LRCH1: variants seen among roughly 807,000 people sequenced by gnomAD.
The protein encoded by LRCH1 is leucine-rich repeat and calponin homology domain-containing protein 1.
LRCH1 carries 23 observed loss-of-function variants against 94.9 expected under a neutral mutation model. The observed-to-expected ratio is 0.24, with a 90% confidence interval of 0.17 to 0.34. The LOEUF (loss-of-function observed/expected upper bound fraction) is 0.34, where lower values mean the gene tolerates loss of function less well. Among genes scored for constraint, LRCH1 ranks in the 10% least tolerant of loss-of-function variants. The probability of loss-of-function intolerance (pLI) is 1.00; values close to 1 mark genes in which losing one functional copy is unlikely to be tolerated. For missense variants in LRCH1, 790 were observed against 945.9 expected (o/e 0.84, Z 2.16); for synonymous variants, 364 against 354.9 (o/e 1.03, Z -0.29).
intron 2 of LRCH1, among the ~76,000 whole-genome samples, chr13:46,654,011 T>C (rs2051340192): frequency 6.6e-6 from 1 of 152,240 alleles, no homozygotes; most frequent in African/African-American, 2.4e-5. Context: ...TCAGATTTGA[T>C]GTTGAATGCA....
intron 1 of LRCH1, among the ~76,000 whole-genome samples, chr13:46,567,837 A>G (rs903786221): frequency 2.0e-5 from 3 of 152,194 alleles, no homozygotes; most frequent in Admixed American, 2.0e-4. Flanking sequence ...GTATCTCAAT[A>G]TGAAATTTGC....
exon 19 of LRCH1, chr13:46,751,636 T>C (rs1229666825): frequency 6.6e-6 from 1 of 152,234 alleles, no homozygotes; most frequent in Non-Finnish European, 1.5e-5. Context: ...AAATAATAAG[T>C]GTTAGCATCG....
chr13:46,687,359 C>T (rs186591755), intron 5 of LRCH1, among the ~76,000 whole-genome samples: 19 of 152,264 alleles, frequency 1.2e-4, no homozygotes, highest in Non-Finnish European at 2.1e-4. Flanking sequence ...AAATGTTAAA[C>T]TGCATGAGAG....
intron 1 of LRCH1, among the ~76,000 whole-genome samples, chr13:46,604,176 C>T (rs1186583995): frequency 6.6e-6 from 1 of 152,060 alleles, no homozygotes; most frequent in African/African-American, 2.4e-5. Context: ...ATGTCCCATG[C>T]AATATTTGAG....
intron 11 of LRCH1, among the ~76,000 whole-genome samples, chr13:46,704,158 A>G (rs1311759241): frequency 6.6e-6 from 1 of 152,110 alleles, no homozygotes; most frequent in African/African-American, 2.4e-5. Flanking sequence ...AGCCAGTTTA[A>G]TAGTCATGAA....
chr13:46,725,734 C>T (rs1872782521), intron 17 of LRCH1, among the ~76,000 whole-genome samples: 1 of 152,198 alleles, frequency 6.6e-6, no homozygotes, highest in African/African-American at 2.4e-5. Flanking sequence ...AAACCTCTTA[C>T]CACCACTTTA....
rs560423225 is a variant in LRCH1 at position 46,566,352 on chromosome 13, A to C, written c.307+12649A>C. 5.9e-5 allele frequency among the ~76,000 whole-genome samples: 9 copies of C among 152,072 alleles called. No individual in the cohort carries two copies. In the East Asian group the frequency reaches 1.7e-3, roughly 29 times the overall value. On this transcript the variant is annotated intron_variant, in intron 1 of 19. Transcript: ENST00000389797. The stretch of plus-strand genomic sequence containing the variant: ...ACTCTTTTACTGGCATCCAGCATTT[A>C]TTTTGAACTTCAGTCAGAAGTTATT...
At chr13:46,729,079 G>C (rs1216961681) in intron 18 of LRCH1, 95 bp downstream of exon 18, 2 of 1,234,612 alleles carry the variant, frequency 1.6e-6, no homozygotes, top group African/African-American at 3.0e-5. Flanking sequence ...GTAGGAGCTT[G>C]CTCAAATCTT....
intron 1 of LRCH1, among the ~76,000 whole-genome samples, chr13:46,589,600 T>C (rs2050475970): frequency 6.9e-6 from 1 of 144,946 alleles, no homozygotes; most frequent in South Asian, 2.3e-4. Flanking sequence ...TCACTTTTTT[T>C]TTTTTTTTTT....
intron 2 of LRCH1, among the ~76,000 whole-genome samples, chr13:46,654,144 G>A (rs1488031907): frequency 6.6e-6 from 1 of 152,138 alleles, no homozygotes; most frequent in Admixed American, 6.5e-5. Context: ...TTCTTTTGAA[G>A]TCTTCTCAGA....
At chr13:46,591,707 A>T (rs1443366328) in intron 1 of LRCH1, among the ~76,000 whole-genome samples, 1 of 152,254 alleles carries the variant, frequency 6.6e-6, no homozygotes, top group Non-Finnish European at 1.5e-5. Flanking sequence ...CCTTTAGGCA[A>T]ATAGGATACT....
At chr13:46,578,485 A>G (rs2050328117) in intron 1 of LRCH1, among the ~76,000 whole-genome samples, 1 of 152,206 alleles carries the variant, frequency 6.6e-6, no homozygotes, top group Non-Finnish European at 1.5e-5. Flanking sequence ...ATGTACAGAC[A>G]GTAAGTCTTT....
At chr13:46,595,426 C>T (rs1299441385) in intron 1 of LRCH1, among the ~76,000 whole-genome samples, 1 of 152,186 alleles carries the variant, frequency 6.6e-6, no homozygotes, top group Non-Finnish European at 1.5e-5. Flanking sequence ...ATTGCACACT[C>T]AGACTGGGTA....
chr13:46,584,901 A>T (rs951689209), intron 1 of LRCH1, among the ~76,000 whole-genome samples: 1 of 152,224 alleles, frequency 6.6e-6, no homozygotes, highest in African/African-American at 2.4e-5. Context: ...TGGAATTTGT[A>T]TGCCAATTGG....
In LRCH1 at chr13:46,650,560, G is replaced by GT. The variant is rs575313226; in HGVS notation, c.452+224dup. ...CTTCCCTGAATATGAATAAGACAAG[G>GT]TTTTTTTTTAAAAAAATGATTTATA... On this transcript the variant is annotated intron_variant, in intron 2 of 19. Coordinates refer to ENST00000389797, the MANE Select transcript of LRCH1 (RefSeq NM_001164211.2). 5.7e-4 allele frequency among the ~76,000 whole-genome samples: 36 copies of GT among 63,166 alleles called. No homozygotes were observed. In the South Asian group the frequency reaches 0.019, roughly 33 times the overall value. The allele number at this position is 63,166 out of a possible 152,430, so 41.4% of individuals were successfully genotyped here. A position where few individuals can be genotyped will look rare whatever the true frequency, so the allele number is the denominator to read the frequency against.
At chr13:46,560,797 C>T (rs534676922) in intron 1 of LRCH1, among the ~76,000 whole-genome samples, 3 of 152,294 alleles carry the variant, frequency 2.0e-5, no homozygotes, top group South Asian at 2.1e-4. Context: ...AATATAGACT[C>T]AAACATGAAA....
chr13:46,736,622 A>G (rs1335294727), intron 19 of LRCH1, among the ~76,000 whole-genome samples: 1 of 152,218 alleles, frequency 6.6e-6, no homozygotes, highest in African/African-American at 2.4e-5. Flanking sequence ...AAGAGGACCT[A>G]TATCATTACT....
At chr13:46,615,250 A>G (rs770605309) in intron 1 of LRCH1, among the ~76,000 whole-genome samples, 3 of 152,206 alleles carry the variant, frequency 2.0e-5, no homozygotes, top group Non-Finnish European at 4.4e-5. Context: ...TGTGAGGCCT[A>G]GGAACCTTGT....
At chr13:46,686,954 T>TTC (rs1870646899) in intron 5 of LRCH1, among the ~76,000 whole-genome samples, 1 of 130,026 alleles carries the variant, frequency 7.7e-6, no homozygotes, top group Admixed American at 7.5e-5. Context: ...GTATATTGAT[T>TTC]TTTTTTTTTT....
Sources: allele counts gnomAD v4.1 joint callset (sites outside exome capture counted in the v4.1 genomes callset), GRCh38; gene constraint gnomAD v4.1.1; transcripts MANE v1.5; gene names NCBI Gene and HGNC (gene_info 2026-07-23, HGNC 2026-07-21).